The following OSBPL10 variants were observed in gnomAD, a reference collection of about 807,000 sequenced individuals.
OSBPL10 encodes oxysterol binding protein like 10.
A neutral mutation model predicts 81.7 loss-of-function variants in OSBPL10; 49 were observed. The ratio of observed to expected loss-of-function variants is 0.60; its 90% CI spans 0.48 to 0.76. The LOEUF is 0.76. OSBPL10 is among the 30% of genes least tolerant of loss of function. The pLI is 0.00. For missense variants in OSBPL10, 923 were observed against 987.8 expected, an observed-to-expected ratio of 0.93 and a Z score of 0.88; for synonymous variants, 419 against 383.6, an observed-to-expected ratio of 1.09 and a Z score of -1.08.
rs910527407 is a variant in OSBPL10 at position 32,043,914 on chromosome 3, G to C, written n.298+2577C>G. On this transcript the variant is annotated intron_variant and non_coding_transcript_variant, in intron 2 of 3. Transcript: ENST00000479173. ...AATAGACACTGGGGACTATTAGAGG[G>C]GGAATGGAGGGAGGGGGCAAGGGCT... Among the ~76,000 whole-genome samples, 15 of 151,912 alleles carry C rather than the reference G, an allele frequency of 9.9e-5. 1 individual carries two copies. The highest frequency in any genetic ancestry group is 3.6e-4 in the African/African-American group (15 of 41,374).
chr3:31,945,150 A>T (rs1313475462), intron 1 of OSBPL10, among the ~76,000 whole-genome samples: 1 of 30,536 alleles, frequency 3.3e-5, no homozygotes, highest in African/African-American at 4.9e-4. Flanking sequence ...ACTCCGTCTC[A>T]AAAAAAAAAA....
chr3:31,719,733 A>G (rs1189376610), intron 6 of OSBPL10, among the ~76,000 whole-genome samples: 5 of 152,248 alleles, frequency 3.3e-5, no homozygotes, highest in Non-Finnish European at 5.9e-5. Flanking sequence ...GTTTCCCTAT[A>G]TAAGATATAT....
rs149601085 is a variant in OSBPL10, at chr3:31,850,618, CAG to C, written c.538-20389_538-20388del. Among the ~76,000 whole-genome samples the C allele has an allele frequency of 4.4e-3, 663 of 152,210 alleles. 5 individuals are homozygous for C. Among genetic ancestry groups the C allele is most frequent in the African/African-American group, 0.015 (616 of 41,532 alleles). On this transcript the variant is annotated intron_variant, in intron 3 of 11. Coordinates refer to ENST00000396556, the MANE Select transcript of OSBPL10 (RefSeq NM_017784.5). ...AAATTTCACTCTCCATAGAAATGAG[CAG>C]AGGTCAGTGGCAGAGCACTCCCAGG... is the stretch of plus-strand genomic sequence containing the variant.
chr3:31,804,816 A>T (rs1175986389), intron 4 of OSBPL10, among the ~76,000 whole-genome samples: 2 of 152,232 alleles, frequency 1.3e-5, no homozygotes, highest in African/African-American at 2.4e-5. Context: ...AACTTTAATA[A>T]GACTTCATTC....
intron 1 of OSBPL10, among the ~76,000 whole-genome samples, chr3:31,959,817 C>A (rs559083136): frequency 6.6e-6 from 1 of 152,278 alleles, no homozygotes; most frequent in African/African-American, 2.4e-5. Flanking sequence ...CACCTGAGCA[C>A]CTTCAAGCCT....
At chr3:31,969,088 G>A (rs189431479) in intron 1 of OSBPL10, among the ~76,000 whole-genome samples, 292 of 152,272 alleles carry the variant, frequency 1.9e-3, no homozygotes, top group Non-Finnish European at 3.5e-3. Flanking sequence ...GGATCAAGAA[G>A]CCCATTGTTA....
At chr3:31,860,526 A>C (rs960178745) in intron 3 of OSBPL10, among the ~76,000 whole-genome samples, 4 of 152,212 alleles carry the variant, frequency 2.6e-5, no homozygotes, top group Admixed American at 1.3e-4. Context: ...ACGACCAAGG[A>C]GGCTAGGGTT....
At chr3:31,762,629 C>CA (rs1553622816) in intron 4 of OSBPL10, among the ~76,000 whole-genome samples, 2 of 17,238 alleles carry the variant, frequency 1.2e-4, no homozygotes, top group African/African-American at 8.3e-4. Flanking sequence ...CCATGCCCAG[C>CA]ATTTTTTTTT....
intron 3 of OSBPL10, among the ~76,000 whole-genome samples, chr3:31,855,066 C>T (rs1330433141): frequency 6.6e-6 from 1 of 152,114 alleles, no homozygotes; most frequent in Non-Finnish European, 1.5e-5. Context: ...CTTGCTGTGT[C>T]CCCAGCCTGG....
chr3:31,842,373 C>G (rs1428803178), intron 3 of OSBPL10, among the ~76,000 whole-genome samples: 3 of 152,182 alleles, frequency 2.0e-5, no homozygotes, highest in Non-Finnish European at 4.4e-5. Context: ...AGTGCAAATA[C>G]TGGCTCAGCA....
chr3:31,944,999 A>G (rs941753509), intron 1 of OSBPL10, among the ~76,000 whole-genome samples: 8 of 151,676 alleles, frequency 5.3e-5, no homozygotes, highest in Admixed American at 5.3e-4. Flanking sequence ...AAAAATACAA[A>G]AATTAGCTGG....
At chr3:31,861,697 A>C (rs1701059753) in intron 3 of OSBPL10, among the ~76,000 whole-genome samples, 1 of 152,206 alleles carries the variant, frequency 6.6e-6, no homozygotes, top group Non-Finnish European at 1.5e-5. Context: ...TAACTACCCC[A>C]AAACAAGAGG....
chr3:31,931,690 A>C (rs1697253690), intron 1 of OSBPL10, among the ~76,000 whole-genome samples: 1 of 152,234 alleles, frequency 6.6e-6, no homozygotes, highest in Non-Finnish European at 1.5e-5. Flanking sequence ...CCATCTTTTT[A>C]TTCTCAAAAC....
chr3:31,737,677 A>G (rs1414822900), intron 5 of OSBPL10, among the ~76,000 whole-genome samples: 1 of 152,154 alleles, frequency 6.6e-6, no homozygotes, highest in African/African-American at 2.4e-5. Flanking sequence ...AAAGACACAG[A>G]TGACAATCAT....
At chr3:31,975,743 G>A (rs1698678334) in intron 1 of OSBPL10, among the ~76,000 whole-genome samples, 1 of 152,176 alleles carries the variant, frequency 6.6e-6, no homozygotes, top group Non-Finnish European at 1.5e-5. Context: ...ACTAATAATA[G>A]CTAACACTGG....
At chr3:31,860,899 C>T (rs181532180) in intron 3 of OSBPL10, among the ~76,000 whole-genome samples, 7 of 148,214 alleles carry the variant, frequency 4.7e-5, no homozygotes, top group African/African-American at 1.2e-4. Context: ...TTAGTAGACA[C>T]GGGGTTTCAT....
chr3:31,862,727 G>T (rs1359161743), intron 3 of OSBPL10, among the ~76,000 whole-genome samples: 1 of 152,096 alleles, frequency 6.6e-6, no homozygotes, highest in Non-Finnish European at 1.5e-5. Context: ...AAATTACAAG[G>T]AGGTATCACT....
chr3:31,722,273 T>C (rs988700841), intron 6 of OSBPL10, among the ~76,000 whole-genome samples: 1 of 152,134 alleles, frequency 6.6e-6, no homozygotes, highest in Admixed American at 6.5e-5. Flanking sequence ...TCAGATGATA[T>C]AAACAAAAAC....
At chr3:31,783,823 AATATATATATATATATATATAT>A (rs60886858) in intron 4 of OSBPL10, among the ~76,000 whole-genome samples, 5 of 16,738 alleles carry the variant, frequency 3.0e-4, no homozygotes, top group Non-Finnish European at 3.7e-4. Context: ...AAAAAAAAAA[AATATATATATATATATATATAT>A]ATATATATAT....
Sources: gnomAD v4.1 joint callset for allele counts (sites outside exome capture counted in the v4.1 genomes callset) on GRCh38, gnomAD v4.1.1 for gene constraint, MANE v1.5 for transcripts, NCBI Gene and HGNC (gene_info 2026-07-23, HGNC 2026-07-21) for gene names.